KCNMB2: variants seen among roughly 807,000 people sequenced by gnomAD.
The protein encoded by KCNMB2 is calcium-activated potassium channel subunit beta-2.
A neutral mutation model predicts 24.5 loss-of-function variants in KCNMB2; 9 were observed. The ratio of observed to expected loss-of-function variants is 0.37; its 90% CI spans 0.22 to 0.64. The LOEUF (loss-of-function observed/expected upper bound fraction) is 0.64. Ranked by LOEUF, KCNMB2 falls within the 30% of genes least tolerant of loss-of-function variation. The probability of loss-of-function intolerance (pLI) is 0.63; values close to 1 mark genes in which losing one functional copy is unlikely to be tolerated. For missense variants in KCNMB2, 226 were observed against 284.3 expected, an observed-to-expected ratio of 0.79 and a Z score of 1.47; for synonymous variants, 109 against 104.4, an observed-to-expected ratio of 1.04 and a Z score of -0.27.
chr3:178,604,099 T>C (rs1037467575), intron 1 of KCNMB2, among the ~76,000 whole-genome samples: 11 of 152,118 alleles, frequency 7.2e-5, no homozygotes, highest in Non-Finnish European at 1.5e-4. Context: ...CACCTCATAC[T>C]CAGTGTGTCC....
chr3:178,634,613 G>C (rs1019047677), intron 1 of KCNMB2, among the ~76,000 whole-genome samples: 2 of 151,982 alleles, frequency 1.3e-5, no homozygotes, highest in African/African-American at 4.8e-5. Context: ...GGGATTATGG[G>C]GACTACAATT....
At chr3:178,646,016 G>A (rs1719910517) in intron 1 of KCNMB2, among the ~76,000 whole-genome samples, 1 of 151,972 alleles carries the variant, frequency 6.6e-6, no homozygotes, top group African/African-American at 2.4e-5. Flanking sequence ...GCAGACCCTC[G>A]CGTCTCACAT....
chr3:178,798,174 G>A (rs553682400), intron 1 of KCNMB2, among the ~76,000 whole-genome samples: 1 of 152,188 alleles, frequency 6.6e-6, no homozygotes, highest in East Asian at 1.9e-4. Flanking sequence ...ATACTATGTT[G>A]AATAGGAGTG....
intron 1 of KCNMB2, among the ~76,000 whole-genome samples, chr3:178,686,457 G>A (rs1721475661): frequency 6.6e-6 from 1 of 152,066 alleles, no homozygotes; most frequent in Non-Finnish European, 1.5e-5. Context: ...GTCTTTAGAG[G>A]TAAAGACGTT....
intron 1 of KCNMB2, among the ~76,000 whole-genome samples, chr3:178,759,757 T>C (rs1330946539): frequency 2.0e-4 from 6 of 29,660 alleles, no homozygotes; most frequent in South Asian, 1.4e-3. Flanking sequence ...GATATATCTA[T>C]ATATATATAT....
At chr3:178,555,656 G>A (rs1716099706) in intron 1 of KCNMB2, among the ~76,000 whole-genome samples, 2 of 152,180 alleles carry the variant, frequency 1.3e-5, no homozygotes, top group African/African-American at 2.4e-5. Context: ...TTGTGGGGAG[G>A]AGGCCCAGGG....
At chr3:178,751,862 T>C (rs973442418) in intron 1 of KCNMB2, among the ~76,000 whole-genome samples, 2 of 152,358 alleles carry the variant, frequency 1.3e-5, no homozygotes, top group South Asian at 4.1e-4. Flanking sequence ...GAGATCCTAA[T>C]ATATCCAGTG....
intron 1 of KCNMB2, among the ~76,000 whole-genome samples, chr3:178,546,520 G>A (rs991103930): frequency 1.4e-4 from 22 of 152,234 alleles, no homozygotes; most frequent in African/African-American, 4.8e-4. Flanking sequence ...ACCTATGAAC[G>A]TCCTAAGGTG....
intron 1 of KCNMB2, among the ~76,000 whole-genome samples, chr3:178,635,311 AG>A (rs1289018029): frequency 1.3e-5 from 2 of 152,096 alleles, no homozygotes; most frequent in Non-Finnish European, 2.9e-5. Flanking sequence ...TAGGCTAGTG[AG>A]GCCTGGGGAC....
At chr3:178,693,684 A>C (rs1202116243) in intron 1 of KCNMB2, among the ~76,000 whole-genome samples, 1 of 152,130 alleles carries the variant, frequency 6.6e-6, no homozygotes. Flanking sequence ...ATTGATATTC[A>C]TCAAGAATAT....
chr3:178,619,028 A>T (rs934182597), intron 1 of KCNMB2, among the ~76,000 whole-genome samples: 4 of 152,226 alleles, frequency 2.6e-5, no homozygotes, highest in Admixed American at 6.5e-5. Flanking sequence ...TGTCCTAAAA[A>T]GTTTTCTCTA....
intron 4 of KCNMB2, among the ~76,000 whole-genome samples, chr3:178,831,586 T>A (rs1715058881): frequency 6.6e-6 from 1 of 152,162 alleles, no homozygotes; most frequent in South Asian, 2.1e-4. Context: ...AATGAGATCA[T>A]GTCCTTTGCA....
chr3:178,738,983 G>A (rs1169094042), intron 1 of KCNMB2, among the ~76,000 whole-genome samples: 1 of 151,950 alleles, frequency 6.6e-6, no homozygotes, highest in Non-Finnish European at 1.5e-5. Context: ...TGCAGGACAA[G>A]GGCATATATT....
chr3:178,688,662 C>T (rs1721554409), intron 1 of KCNMB2, among the ~76,000 whole-genome samples: 2 of 151,974 alleles, frequency 1.3e-5, no homozygotes, highest in South Asian at 2.1e-4. Flanking sequence ...AAAAAGAAAA[C>T]CCTAAAGATA....
rs202160764 is a variant in KCNMB2, at chr3:178,772,185, G to A, written c.-67-35158G>A. ...CATGATATATATACAGTCATAATTC[G>A]TTATCTTTATCTCTTTATCCCACTT... On this transcript the variant is annotated intron_variant, in intron 1 of 4. Coordinates refer to ENST00000452583, the MANE Select transcript of KCNMB2 (RefSeq NM_181361.3). Among the ~76,000 whole-genome samples the A allele has an allele frequency of 5.9e-5, 9 of 152,218 alleles. No individual in the cohort carries two copies. In the South Asian group the frequency reaches 1.2e-3, roughly 21 times the overall value.
At chr3:178,687,221 A>T (rs2108325549) in intron 1 of KCNMB2, among the ~76,000 whole-genome samples, 2 of 152,208 alleles carry the variant, frequency 1.3e-5, no homozygotes, top group South Asian at 4.2e-4. Flanking sequence ...GTGCCATTTA[A>T]AAAAAAGCTG....
chr3:178,839,302 CTA>C, intron 4 of KCNMB2, among the ~76,000 whole-genome samples: 1 of 151,454 alleles, frequency 6.6e-6, no homozygotes, highest in East Asian at 1.9e-4. Context: ...ATGTGTCCAA[CTA>C]TATCTAACAT....
intron 1 of KCNMB2, among the ~76,000 whole-genome samples, chr3:178,576,857 C>G (rs1717012970): frequency 6.6e-6 from 1 of 152,208 alleles, no homozygotes; most frequent in South Asian, 2.1e-4. Context: ...GGGCTTATAC[C>G]TAAAACTCCC....
intron 4 of KCNMB2, among the ~76,000 whole-genome samples, chr3:178,831,587 G>A (rs984879782): frequency 2.0e-4 from 31 of 152,162 alleles, no homozygotes; most frequent in African/African-American, 7.5e-4. Context: ...ATGAGATCAT[G>A]TCCTTTGCAG....
Sources: gnomAD v4.1 joint callset for allele counts (sites outside exome capture counted in the v4.1 genomes callset) on GRCh38, gnomAD v4.1.1 for gene constraint, MANE v1.5 for transcripts, NCBI Gene and HGNC (gene_info 2026-07-23, HGNC 2026-07-21) for gene names.